RACGAP1: variants seen among roughly 807,000 people sequenced by gnomAD.
The protein encoded by RACGAP1 is rac GTPase-activating protein 1.
Under a neutral mutation model 78.1 loss-of-function variants are expected in RACGAP1, and 30 were observed. That is an observed-to-expected ratio of 0.38 (90% CI 0.29 to 0.52). The LOEUF (loss-of-function observed/expected upper bound fraction) is 0.52, where lower values mean the gene tolerates loss of function less well. RACGAP1 is among the 20% of genes least tolerant of loss of function. The pLI, the probability that RACGAP1 is intolerant of heterozygous loss-of-function variation, is 0.82. For missense variants in RACGAP1, 587 were observed against 777.1 expected (o/e 0.76, Z 2.91); for synonymous variants, 231 against 264.8 (o/e 0.87, Z 1.24).
At position 49,990,206 on chromosome 12, in the gene RACGAP1, G is replaced by A; in HGVS notation, c.*62C>T. The stretch of plus-strand genomic sequence containing the variant: ...AATGAGTACAGGAGGCTGCAGAGCA[G>A]AGTACAGATGTGTCCTTTCTTATAG... On this transcript the variant is annotated 3_prime_UTR_variant, in exon 17 of 17. Coordinates refer to ENST00000312377, the MANE Select transcript of RACGAP1 (RefSeq NM_001319999.2). 1.4e-6 allele frequency: 2 copies of A among 1,390,254 alleles called. No homozygotes were observed. The highest frequency in any genetic ancestry group is 2.0e-6 in the Non-Finnish European group (2 of 979,020). 86.1% of individuals were successfully genotyped at this position (1,390,254 alleles called of 1,614,324 possible).
chr12:50,018,314 C>T (rs1949796952), intron 1 of RACGAP1, among the ~76,000 whole-genome samples: 1 of 152,092 alleles, frequency 6.6e-6, no homozygotes, highest in African/African-American at 2.4e-5. Flanking sequence ...GGGCCGGAAA[C>T]CAAGATTTTC....
At chr12:50,016,020 C>T (rs974512477) in intron 2 of RACGAP1, among the ~76,000 whole-genome samples, 6 of 151,974 alleles carry the variant, frequency 3.9e-5, no homozygotes, top group African/African-American at 1.4e-4. Flanking sequence ...AAGCAACATC[C>T]TAGTAAATTT....
chr12:50,001,102 A>G (rs774299560), intron 7 of RACGAP1, 70 bp downstream of exon 7: 6 of 1,208,730 alleles, frequency 5.0e-6, no homozygotes, highest in Non-Finnish European at 7.2e-6. Flanking sequence ...ACAATGCTGC[A>G]ATGCTGACTC....
At chr12:49,992,451 A>G in intron 13 of RACGAP1, 74 bp from the exon 14 acceptor site, 2 of 1,587,594 alleles carry the variant, frequency 1.3e-6, no homozygotes, top group Non-Finnish European at 1.7e-6. Flanking sequence ...TTCTATAAGA[A>G]AACAATTCAT....
upstream of RACGAP1, among the ~76,000 whole-genome samples, chr12:50,033,305 C>T (rs73119686): frequency 0.11 from 16,462 of 150,996 alleles, 1,101 homozygotes; most frequent in South Asian, 0.29. Flanking sequence ...AAGGCCAGGG[C>T]CTGCAGCGCA....
At position 50,006,306 on chromosome 12, in the gene RACGAP1, A is replaced by T. The variant is rs1027587430; in HGVS notation, c.288+128T>A. 7.1e-6 allele frequency: 7 copies of T among 984,954 alleles called. No homozygotes were observed. The African/African-American group carries it at 1.1e-4, about 16-fold the overall frequency. The allele number at this position is 984,954 out of a possible 1,614,324, so 61.0% of individuals were successfully genotyped here. On this transcript the variant is annotated intron_variant, in intron 3 of 16. Transcript: ENST00000312377. Reference sequence around the variant, plus strand: ...AGCTCTAATCATGGGCAAGCTGTTAAAGAACAGGTCACTTTCAGTTCTTTA... The same window carrying T: ...AGCTCTAATCATGGGCAAGCTGTTATAGAACAGGTCACTTTCAGTTCTTTA...
intron 3 of RACGAP1, among the ~76,000 whole-genome samples, chr12:50,005,976 T>C (rs532264515): frequency 2.6e-5 from 4 of 152,336 alleles, no homozygotes; most frequent in African/African-American, 9.6e-5. Context: ...TGAATACATC[T>C]AGCCTTTTAC....
rs1221467944 is a variant in RACGAP1, at chr12:49,990,184, G to A, written c.*84C>T. The A allele has an allele frequency of 9.0e-7, 1 of 1,115,780 alleles. No homozygotes were observed. The highest frequency in any genetic ancestry group is 1.3e-6 in the Non-Finnish European group (1 of 752,988). 69.1% of individuals were successfully genotyped at this position (1,115,780 alleles called of 1,614,324 possible). On this transcript the variant is annotated 3_prime_UTR_variant, in exon 17 of 17. Coordinates refer to ENST00000312377, the MANE Select transcript of RACGAP1 (RefSeq NM_001319999.2). ...CCTGGAGAATGCTAAAAGTAGTAAT[G>A]AGTACAGGAGGCTGCAGAGCAGAGT... is the stretch of plus-strand genomic sequence containing the variant.
chr12:50,016,317 G>T (rs1949676874), intron 2 of RACGAP1, among the ~76,000 whole-genome samples: 1 of 152,140 alleles, frequency 6.6e-6, no homozygotes, highest in African/African-American at 2.4e-5. Flanking sequence ...GGGGAGCAGA[G>T]GTTGCAGTGA....
intron 12 of RACGAP1, 145 bp downstream of exon 12, chr12:49,993,986 A>T: frequency 1.3e-6 from 1 of 747,990 alleles, no homozygotes. Flanking sequence ...CGGAGGTTGC[A>T]GTGAGCTGAG....
chr12:49,991,029 T>C (rs1370481179), intron 15 of RACGAP1, among the ~76,000 whole-genome samples: 2 of 152,180 alleles, frequency 1.3e-5, no homozygotes, highest in African/African-American at 4.8e-5. Flanking sequence ...TTCACAAATC[T>C]AACATCTAAA....
chr12:50,018,980 T>A (rs945482380), intron 1 of RACGAP1, among the ~76,000 whole-genome samples: 1 of 152,120 alleles, frequency 6.6e-6, no homozygotes, highest in Non-Finnish European at 1.5e-5. Flanking sequence ...ACTGTTCTAC[T>A]CTTCCTGTTC....
intron 12 of RACGAP1, among the ~76,000 whole-genome samples, chr12:49,993,361 A>G (rs1297808224): frequency 1.3e-5 from 2 of 152,270 alleles, no homozygotes; most frequent in African/African-American, 2.4e-5. Context: ...AAAGAAAGGA[A>G]GAACACTGTA....
chr12:49,991,477 ATATTTTTT>A (rs1209751115), intron 15 of RACGAP1, among the ~76,000 whole-genome samples: 34 of 36,948 alleles, frequency 9.2e-4, no homozygotes, highest in South Asian at 2.6e-3. Context: ...ATATATATAT[ATATTTTTT>A]TTTTTTTTTT....
upstream of RACGAP1, among the ~76,000 whole-genome samples, chr12:50,029,650 T>C (rs1035083254): frequency 1.3e-5 from 2 of 151,874 alleles, no homozygotes; most frequent in African/African-American, 4.8e-5. Context: ...TCCCAGAACT[T>C]TGGGAGGCCG....
rs527885989 is a variant in RACGAP1 at position 50,015,838 on chromosome 12, A to T, written c.85+793T>A. Among the ~76,000 whole-genome samples, 53 of 151,300 alleles carry T rather than the reference A, an allele frequency of 3.5e-4. 1 individual carries two copies. Among genetic ancestry groups the T allele is most frequent in the Middle Eastern group, 3.4e-3 (1 of 294 alleles). On this transcript the variant is annotated intron_variant, in intron 2 of 16. Coordinates refer to ENST00000312377, the MANE Select transcript of RACGAP1 (RefSeq NM_001319999.2). Reference sequence around the variant, plus strand: ...AAAAATTAAAAAAATTTAAAAAAAAATTTTTTTTAAAGTAGCTGGGCATGG... The same window carrying T: ...AAAAATTAAAAAAATTTAAAAAAAATTTTTTTTTAAAGTAGCTGGGCATGG...
chr12:49,994,322 A>G lies in RACGAP1; in HGVS notation c.1148T>C (p.Leu383Pro). The G allele has an allele frequency of 6.2e-7, 1 of 1,613,546 alleles. No homozygotes were observed. Among genetic ancestry groups the G allele is most frequent in the Non-Finnish European group, 8.5e-7 (1 of 1,179,876 alleles). ...IEQRGLTETG[L>P]YRISGCDRTV... ...GCGGTCACAGCCAGAGATCCTATAC[A>G]GGCCTGTCTATTATCAAGATGACAT... The change falls in exon 12 of 17, where the codon CTG becomes CCG. Residue 383 changes from leucine (L) to proline (P), a missense_variant. Leu to Pro is a moderately conservative substitution (Grantham distance 98). Transcript: ENST00000312377.
At chr12:50,018,226 T>C (rs563875655) in intron 1 of RACGAP1, among the ~76,000 whole-genome samples, 27 of 151,778 alleles carry the variant, frequency 1.8e-4, no homozygotes, top group Non-Finnish European at 3.2e-4. Flanking sequence ...GAATTATACA[T>C]TTATACTCAT....
chr12:50,025,756 T>C (rs139384970), upstream of RACGAP1, among the ~76,000 whole-genome samples: 5 of 152,280 alleles, frequency 3.3e-5, no homozygotes, highest in East Asian at 9.6e-4. Context: ...CGAATTATTC[T>C]TGGTCTCACT....
Sources: allele counts gnomAD v4.1 joint callset (sites outside exome capture counted in the v4.1 genomes callset), GRCh38; gene constraint gnomAD v4.1.1; transcripts MANE v1.5; gene names NCBI Gene and HGNC (gene_info 2026-07-23, HGNC 2026-07-21).